The following INCENP variants were observed in gnomAD, a reference collection of about 807,000 sequenced individuals.
The protein encoded by INCENP is inner centromere protein.
INCENP carries 43 observed loss-of-function variants against 107.3 expected under a neutral mutation model. The ratio of observed to expected loss-of-function variants is 0.40; its 90% CI spans 0.31 to 0.52. The LOEUF (loss-of-function observed/expected upper bound fraction) is 0.52. Ranked by LOEUF, INCENP falls within the 20% of genes least tolerant of loss-of-function variation. The pLI, the probability that INCENP is intolerant of heterozygous loss-of-function variation, is 0.53. For synonymous variants in INCENP, 488 were observed against 494.4 expected, an observed-to-expected ratio of 0.99 and a Z score of 0.17; for missense variants, 1,089 against 1,250.9, an observed-to-expected ratio of 0.87 and a Z score of 1.95.
chr11:62,146,527 C>G, intron 14 of INCENP, 131 bp from the exon 15 acceptor site: 1 of 1,364,502 alleles, frequency 7.3e-7, no homozygotes, highest in Non-Finnish European at 9.8e-7. Context: ...GGATGTCCCA[C>G]GGCGCCATTC....
intron 11 of INCENP, among the ~76,000 whole-genome samples, chr11:62,144,596 T>C (rs141563613): frequency 2.0e-5 from 3 of 152,230 alleles, no homozygotes; most frequent in East Asian, 3.9e-4. Flanking sequence ...TTCACCATGA[T>C]TGGGAGAGCT....
intron 5 of INCENP, 137 bp downstream of exon 5, chr11:62,138,020 T>C (rs1044696976): frequency 4.6e-5 from 35 of 767,424 alleles, no homozygotes; most frequent in Non-Finnish European, 8.0e-5. Context: ...TGCCCCGTTT[T>C]CCCTGTCTGA....
At chr11:62,137,940 A>T in intron 5 of INCENP, 57 bp downstream of exon 5, 1 of 1,472,348 alleles carries the variant, frequency 6.8e-7, no homozygotes, top group Non-Finnish European at 9.5e-7. Flanking sequence ...CAGGGAGCCA[A>T]GGTGAGCACC....
At chr11:62,140,476 C>T (rs922999424) in intron 8 of INCENP, among the ~76,000 whole-genome samples, 191 bp downstream of exon 8, 2 of 152,276 alleles carry the variant, frequency 1.3e-5, no homozygotes, top group East Asian at 1.9e-4. Flanking sequence ...GGGAATAGGG[C>T]GACCCGATTG....
Position 62,145,722 on chromosome 11 carries a change from G to A in INCENP, c.1930G>A (p.Glu644Lys). 1 of 1,556,698 alleles carries A rather than the reference G, an allele frequency of 6.4e-7. No homozygotes were observed. The highest frequency in any genetic ancestry group is 8.7e-7 in the Non-Finnish European group (1 of 1,150,240). The change falls in exon 14 of 19, where the codon GAG becomes AAG. Residue 644 changes from glutamate to lysine, a missense_variant. Glu to Lys is a moderately conservative substitution (Grantham distance 56). Coordinates refer to ENST00000394818, the MANE Select transcript of INCENP (RefSeq NM_001040694.2). ...EVEARRKQEE[E>K]ARRLRWLQQE... ...GGAAGCACGCAGGAAGCAGGAAGAG[G>A]AGGCACGTAGGCTCAGGTGGCTGCA...
At chr11:62,128,014 G>C in intron 1 of INCENP, 137 bp from the exon 2 acceptor site, 4 of 758,502 alleles carry the variant, frequency 5.3e-6, no homozygotes, top group Non-Finnish European at 8.8e-6. Context: ...GGGAGTGGCT[G>C]TGAGCAGAGA....
chr11:62,128,647 T>C (rs1427554872), intron 2 of INCENP, 123 bp from the exon 3 acceptor site: 1 of 729,504 alleles, frequency 1.4e-6, no homozygotes. Flanking sequence ...GAGAGCTCAC[T>C]TGGTGCTGGA....
At position 62,145,571 on chromosome 11, in the gene INCENP, C is replaced by T. The variant is rs940314846; in HGVS notation, c.1837-58C>T. Reference sequence around the variant, plus strand: ...GGCCTGTCACACACAGTTCTGGGCTCCACTCTGCAGGATTGAATGTGGGTG... The same window carrying T: ...GGCCTGTCACACACAGTTCTGGGCTTCACTCTGCAGGATTGAATGTGGGTG... On this transcript the variant is annotated intron_variant, in intron 13 of 18. Transcript: ENST00000394818. The T allele has an allele frequency of 1.2e-5, 19 of 1,545,374 alleles. No homozygotes were observed. In the Admixed American group the frequency reaches 2.3e-4, roughly 19 times the overall value.
At chr11:62,128,671 C>A (rs1041502539) in intron 2 of INCENP, 99 bp from the exon 3 acceptor site, 9 of 857,378 alleles carry the variant, frequency 1.0e-5, no homozygotes, top group Non-Finnish European at 1.6e-5. Context: ...CCCAGCTTGA[C>A]CTGTCGCTGC....
At chr11:62,127,980 AGT>A (rs1372307262) in intron 1 of INCENP, among the ~76,000 whole-genome samples, 169 bp from the exon 2 acceptor site, 3 of 150,836 alleles carry the variant, frequency 2.0e-5, no homozygotes, top group African/African-American at 7.4e-5. Context: ...CTAGGGGATG[AGT>A]GTTTGGAATT....
chr11:62,145,890 C>T, intron 14 of INCENP, 139 bp downstream of exon 14: 1 of 1,075,072 alleles, frequency 9.3e-7, no homozygotes, highest in Non-Finnish European at 1.3e-6. Context: ...AGGAGGTTTC[C>T]CAGAAGTCTC....
rs572008696 is a variant in INCENP, at chr11:62,137,539, G to A, written c.1064-293G>A. ...TGGGAGTTTGGGGCCTGGAGCTGCA[G>A]CAAACATTGTCCCTCTTCTCGAGAT... On this transcript the variant is annotated intron_variant, in intron 4 of 18. Coordinates refer to ENST00000394818, the MANE Select transcript of INCENP (RefSeq NM_001040694.2). Among the ~76,000 whole-genome samples the A allele has an allele frequency of 3.2e-4, 48 of 152,326 alleles. 1 individual carries two copies. Among genetic ancestry groups the A allele is most frequent in the African/African-American group, 1.1e-3 (46 of 41,582 alleles).
chr11:62,143,681 G>C (rs1458040704), intron 11 of INCENP, among the ~76,000 whole-genome samples: 1 of 152,164 alleles, frequency 6.6e-6, no homozygotes, highest in Admixed American at 6.5e-5. Flanking sequence ...AGATTTCTAG[G>C]CGAGAGTGCT....
intron 2 of INCENP, 80 bp downstream of exon 2, chr11:62,128,381 C>A: frequency 6.6e-7 from 1 of 1,509,556 alleles, no homozygotes. Flanking sequence ...AACAGCCCCT[C>A]GTCCCCGCCT....
At chr11:62,141,830 C>T (rs1944131391) in intron 11 of INCENP, 4 of 495,892 alleles carry the variant, frequency 8.1e-6, no homozygotes, top group African/African-American at 1.9e-5. Flanking sequence ...CACCAGGCCC[C>T]GTCAGGGTCT....
intron 5 of INCENP, among the ~76,000 whole-genome samples, chr11:62,138,257 G>A (rs1944034566): frequency 6.6e-6 from 1 of 152,196 alleles, no homozygotes; most frequent in Non-Finnish European, 1.5e-5. Context: ...TTTTCCTGGA[G>A]GCCGTGTCCT....
At position 62,152,199 on chromosome 11, in the gene INCENP, G is replaced by A. The variant is rs12786326; in HGVS notation, c.*223G>A. The A allele has an allele frequency of 1.8e-6, 1 of 569,306 alleles. No homozygotes were observed. The highest frequency in any genetic ancestry group is 3.1e-6 in the Non-Finnish European group (1 of 318,314). The allele number at this position is 569,306 out of a possible 1,614,324, so 35.3% of individuals were successfully genotyped here. The stretch of plus-strand genomic sequence containing the variant: ...CTGGGTGGGTGGGTGGGGAAGAAAT[G>A]GGCCCAGCCCCACATGGCCTGCAGA... On this transcript the variant is annotated 3_prime_UTR_variant, in exon 19 of 19. Coordinates refer to ENST00000394818, the MANE Select transcript of INCENP (RefSeq NM_001040694.2).
chr11:62,140,933 C>T lies in INCENP; in HGVS notation c.1482C>T (p.Thr494=). ...TGCAGGTGGTACGGCCCCTCCGGAC[C>T]TTTCTGCACACAGTGCAGAGGAACC... is the stretch of plus-strand genomic sequence containing the variant. ...PASKVVRPLR[T]FLHTVQRNQM... is the part of the protein sequence containing the mutation. Residue 494 remains threonine, a synonymous_variant, in exon 10 of 19, where the codon ACC becomes ACT. Coordinates refer to ENST00000394818, the MANE Select transcript of INCENP (RefSeq NM_001040694.2). 6.2e-7 allele frequency: 1 copy of T among 1,614,234 alleles called. No homozygotes were observed. Among genetic ancestry groups the T allele is most frequent in the Non-Finnish European group, 8.5e-7 (1 of 1,180,042 alleles).
chr11:62,145,837 C>G (rs1340690575), intron 14 of INCENP, 86 bp downstream of exon 14: 6 of 1,425,276 alleles, frequency 4.2e-6, no homozygotes, highest in Non-Finnish European at 5.6e-6. Flanking sequence ...TGCACCCCAC[C>G]TTGTGGGGTT....
Sources: gnomAD v4.1 joint callset for allele counts (sites outside exome capture counted in the v4.1 genomes callset) on GRCh38, gnomAD v4.1.1 for gene constraint, MANE v1.5 for transcripts, NCBI Gene and HGNC (gene_info 2026-07-23, HGNC 2026-07-21) for gene names.